Variants in RAD50 observed in about 807,000 individuals in gnomAD.
RAD50 encodes DNA repair protein RAD50.
RAD50 carries 132 observed loss-of-function variants against 168.8 expected under a neutral mutation model. The observed-to-expected ratio is 0.78, with a 90% CI of 0.68 to 0.90. The LOEUF (loss-of-function observed/expected upper bound fraction) is 0.90, where lower values mean the gene tolerates loss of function less well. RAD50 is among the 40% of genes least tolerant of loss of function. The pLI, the probability that RAD50 is intolerant of heterozygous loss-of-function variation, is 0.00. For missense variants in RAD50, 1,347 were observed against 1,534.4 expected (o/e 0.88, Z 2.04); for synonymous variants, 525 against 497.4 (o/e 1.06, Z -0.74).
chr5:132,570,976 A>C (rs1750293240), intron 2 of RAD50, among the ~76,000 whole-genome samples: 1 of 152,168 alleles, frequency 6.6e-6, no homozygotes, highest in Non-Finnish European at 1.5e-5. Context: ...TAATTGGCCT[A>C]ATTTCCATAT....
intron 2 of RAD50, among the ~76,000 whole-genome samples, chr5:132,570,320 A>G (rs903575770): frequency 4.6e-5 from 7 of 152,210 alleles, no homozygotes; most frequent in Admixed American, 2.6e-4. Flanking sequence ...AACCTTAACT[A>G]ATATAAAAGG....
intron 5 of RAD50, among the ~76,000 whole-genome samples, chr5:132,587,090 A>G (rs1310610545): frequency 6.6e-6 from 1 of 152,094 alleles, no homozygotes; most frequent in East Asian, 1.9e-4. Context: ...GTTGTACTTT[A>G]CTTGCTCAGA....
At chr5:132,619,885 T>TAAAGATATATATAGAGAG (rs1554099997) in intron 21 of RAD50, among the ~76,000 whole-genome samples, 3 of 121,218 alleles carry the variant, frequency 2.5e-5, no homozygotes, top group African/African-American at 1.0e-4. Context: ...TATATATATA[T>TAAAGATATATATAGAGAG]AGAGAGAGAG....
rs1263332985 is a variant in RAD50, at chr5:132,642,738, A to T, written c.*374A>T. ...AAATTTATGGTTTTGGTATTTTTTTAAATCATAGTTAAATGTTACCTCTGA... is the reference window on the plus strand; with the variant it reads ...AAATTTATGGTTTTGGTATTTTTTTTAATCATAGTTAAATGTTACCTCTGA... On this transcript the variant is annotated 3_prime_UTR_variant, in exon 25 of 25. Coordinates refer to ENST00000378823, the MANE Select transcript of RAD50 (RefSeq NM_005732.4). 3 of 381,192 alleles carry T rather than the reference A, an allele frequency of 7.9e-6. No homozygotes were observed. Among genetic ancestry groups the T allele is most frequent in the Non-Finnish European group, 1.0e-5 (2 of 200,966 alleles). The allele number at this position is 381,192 out of a possible 1,614,324, so 23.6% of individuals were successfully genotyped here. A position where few individuals can be genotyped will look rare whatever the true frequency, so the allele number is the denominator to read the frequency against.
chr5:132,574,389 G>A (rs996456537), intron 2 of RAD50, among the ~76,000 whole-genome samples: 4 of 152,158 alleles, frequency 2.6e-5, no homozygotes, highest in African/African-American at 9.7e-5. Context: ...GTTGTGGCTG[G>A]GACACAGGGC....
Position 132,642,751 on chromosome 5 carries a change from A to ATGTT in RAD50, c.*388_*391dup. On this transcript the variant is annotated 3_prime_UTR_variant, in exon 25 of 25. Coordinates refer to ENST00000378823, the MANE Select transcript of RAD50 (RefSeq NM_005732.4). ...TGGTATTTTTTTAAATCATAGTTAA[A>ATGTT]TGTTACCTCTGAATTTACTTCCTTG... 2.7e-6 allele frequency: 1 copy of ATGTT among 375,528 alleles called. No homozygotes were observed. Among genetic ancestry groups the ATGTT allele is most frequent in the East Asian group, 4.6e-5 (1 of 21,698 alleles). The allele number at this position is 375,528 out of a possible 1,614,324, so 23.3% of individuals were successfully genotyped here.
chr5:132,580,121 C>T (rs1750480969), intron 5 of RAD50, 55 bp downstream of exon 5: 1 of 1,405,046 alleles, frequency 7.1e-7, no homozygotes, highest in South Asian at 1.2e-5. Flanking sequence ...TGGTATACAG[C>T]ATGATGTTTT....
intron 5 of RAD50, 92 bp downstream of exon 5, chr5:132,580,158 T>C: frequency 9.2e-7 from 1 of 1,085,074 alleles, no homozygotes; most frequent in East Asian, 2.4e-5. Context: ...GTGGACTGGC[T>C]AAATCAAGCT....
intron 19 of RAD50, 109 bp from the exon 20 acceptor site, chr5:132,615,894 A>G (rs1403056732): frequency 9.1e-6 from 10 of 1,095,128 alleles, no homozygotes; most frequent in Non-Finnish European, 1.2e-5. Context: ...TGAATTTCAC[A>G]TGATTCTAAG....
In RAD50 at chr5:132,557,052, C is replaced by A; in HGVS notation, c.-273C>A. The A allele has an allele frequency of 1.5e-6, 1 of 647,706 alleles. No individual in the cohort carries two copies. Among genetic ancestry groups the A allele is most frequent in the Non-Finnish European group, 2.5e-6 (1 of 401,990 alleles). The allele number at this position is 647,706 out of a possible 1,614,324, so 40.1% of individuals were successfully genotyped here. ...GGGTCGCATTGTGGCTACGGCTTTG[C>A]GTCCCCGGCGGGCAGCCCCAGGCTG... is the stretch of plus-strand genomic sequence containing the variant. On this transcript the variant is annotated 5_prime_UTR_variant, in exon 1 of 25. Transcript: ENST00000378823.
chr5:132,558,243 T>C (rs1398355207), intron 1 of RAD50, among the ~76,000 whole-genome samples: 1 of 152,246 alleles, frequency 6.6e-6, no homozygotes, highest in African/African-American at 2.4e-5. Flanking sequence ...ATGCTTGTTA[T>C]GTACTTAGGA....
chr5:132,578,204 C>A (rs192384572), intron 3 of RAD50, among the ~76,000 whole-genome samples: 6 of 152,220 alleles, frequency 3.9e-5, no homozygotes, highest in Admixed American at 1.3e-4. Context: ...TGACCTCCCC[C>A]CTTAAAAAAC....
chr5:132,592,295 A>G (rs1431730897), intron 11 of RAD50, among the ~76,000 whole-genome samples: 1 of 152,186 alleles, frequency 6.6e-6, no homozygotes, highest in African/African-American at 2.4e-5. Context: ...TTCAGTCCTA[A>G]AGAACTGAGG....
At chr5:132,627,142 A>G (rs1281449317) in intron 21 of RAD50, among the ~76,000 whole-genome samples, 1 of 152,132 alleles carries the variant, frequency 6.6e-6, no homozygotes, top group African/African-American at 2.4e-5. Context: ...CAGCCTCCCA[A>G]AGTGCTGGGA....
intron 16 of RAD50, 47 bp downstream of exon 16, chr5:132,605,046 AT>A: frequency 7.5e-7 from 1 of 1,333,416 alleles, no homozygotes. Flanking sequence ...TTAATTATTT[AT>A]TTTTATTTTT....
chr5:132,635,536 A>G (rs1751563039), intron 21 of RAD50, among the ~76,000 whole-genome samples: 1 of 152,168 alleles, frequency 6.6e-6, no homozygotes, highest in Non-Finnish European at 1.5e-5. Context: ...TTTTTCCCGC[A>G]GTGCTGTGTC....
chr5:132,614,490 G>A (rs903571936), intron 19 of RAD50, among the ~76,000 whole-genome samples: 1 of 151,266 alleles, frequency 6.6e-6, no homozygotes, highest in African/African-American at 2.4e-5. Flanking sequence ...GGAGGGATTG[G>A]TTCCAGGATC....
At chr5:132,641,315 C>T (rs1291166885) in intron 24 of RAD50, among the ~76,000 whole-genome samples, 2 of 152,144 alleles carry the variant, frequency 1.3e-5, no homozygotes, top group Admixed American at 6.5e-5. Flanking sequence ...ACCACATTCA[C>T]CTGGGGTCAG....
chr5:132,590,035 C>A (rs1195703524), intron 9 of RAD50, among the ~76,000 whole-genome samples, 198 bp downstream of exon 9: 3 of 152,106 alleles, frequency 2.0e-5, no homozygotes. Flanking sequence ...AAATTAGAAT[C>A]ACATAGGGAG....
Sources: allele counts gnomAD v4.1 joint callset (sites outside exome capture counted in the v4.1 genomes callset), GRCh38; gene constraint gnomAD v4.1.1; transcripts MANE v1.5; gene names NCBI Gene and HGNC (gene_info 2026-07-23, HGNC 2026-07-21).